Variants in PCDH15 observed in about 807,000 individuals in gnomAD.
PCDH15 encodes protocadherin-15.
PCDH15 carries 129 observed loss-of-function variants against 178.5 expected under a neutral mutation model. That is an observed-to-expected ratio of 0.72 (90% CI 0.63 to 0.84). PCDH15 has a LOEUF of 0.84. Ranked by LOEUF, PCDH15 falls within the 40% of genes least tolerant of loss-of-function variation. PCDH15 has a pLI of 0.00. For missense variants in PCDH15, 2,230 were observed against 2,099.9 expected, an observed-to-expected ratio of 1.06 and a Z score of -1.21; for synonymous variants, 800 against 732.0, an observed-to-expected ratio of 1.09 and a Z score of -1.50.
chr10:54,989,941 G>A (rs866045489), intron 2 of PCDH15, among the ~76,000 whole-genome samples: 96 of 152,124 alleles, frequency 6.3e-4, no homozygotes, highest in African/African-American at 2.3e-3. Context: ...TGGAGGATAA[G>A]TCTCACAGGA....
At chr10:54,470,691 A>T (rs1452346910) in intron 3 of PCDH15, among the ~76,000 whole-genome samples, 1 of 151,944 alleles carries the variant, frequency 6.6e-6, no homozygotes, top group Non-Finnish European at 1.5e-5. Flanking sequence ...GCATTTGCTT[A>T]CTCTTTCTCC....
At chr10:55,448,366 C>A (rs1024794412) in intron 2 of PCDH15, among the ~76,000 whole-genome samples, 1 of 151,912 alleles carries the variant, frequency 6.6e-6, no homozygotes, top group Non-Finnish European at 1.5e-5. Context: ...TCAAGATTCA[C>A]CTATATTTTC....
rs114509749 is a variant in PCDH15, at chr10:54,707,269, T to G, written c.-28-42979A>C. On this transcript the variant is annotated intron_variant, in intron 1 of 37. Coordinates refer to ENST00000644397, the MANE Select transcript of PCDH15 (RefSeq NM_001384140.1). ...GTTGCAAACTCCAGGGACAGTAAAGTTTCTTAGGAAAAATGAGTAGTACAT... is the reference window on the plus strand; with the variant it reads ...GTTGCAAACTCCAGGGACAGTAAAGGTTCTTAGGAAAAATGAGTAGTACAT... 8.7e-3 allele frequency among the ~76,000 whole-genome samples: 1,325 copies of G among 152,226 alleles called. 14 individuals carry two copies. The highest frequency in any genetic ancestry group is 0.03 in the African/African-American group (1,229 of 41,542).
chr10:54,856,375 G>A (rs555008583), intron 3 of PCDH15, among the ~76,000 whole-genome samples: 20 of 152,128 alleles, frequency 1.3e-4, no homozygotes, highest in African/African-American at 4.8e-4. Flanking sequence ...AGCAGTACTG[G>A]ACAGCCATCT....
intron 3 of PCDH15, among the ~76,000 whole-genome samples, chr10:54,837,119 GA>G (rs1322594482): frequency 2.6e-5 from 4 of 151,920 alleles, no homozygotes; most frequent in Admixed American, 6.6e-5. Context: ...TATTATTCAG[GA>G]AAAAACTAAA....
At chr10:54,284,127 G>A (rs1371917163) in intron 8 of PCDH15, among the ~76,000 whole-genome samples, 10 of 152,076 alleles carry the variant, frequency 6.6e-5, no homozygotes, top group Non-Finnish European at 1.3e-4. Flanking sequence ...GAGCCATGGT[G>A]CCCGGCCTAA....
At chr10:54,143,729 T>A (rs2043619019) in intron 14 of PCDH15, among the ~76,000 whole-genome samples, 1 of 152,206 alleles carries the variant, frequency 6.6e-6, no homozygotes, top group African/African-American at 2.4e-5. Context: ...CTTATAAGCT[T>A]TAAGTTATGC....
At chr10:54,936,142 A>G (rs1043218215) in intron 2 of PCDH15, among the ~76,000 whole-genome samples, 16 of 152,042 alleles carry the variant, frequency 1.1e-4, no homozygotes, top group African/African-American at 3.6e-4. Flanking sequence ...CTCATATAAC[A>G]TGGGGTCTTT....
intron 21 of PCDH15, among the ~76,000 whole-genome samples, chr10:53,972,969 C>A (rs12255027): frequency 6.6e-6 from 1 of 152,104 alleles, no homozygotes. Context: ...ATAAATCATG[C>A]TGCTATAAAG....
At chr10:55,212,249 T>C (rs144079822) in intron 1 of PCDH15, among the ~76,000 whole-genome samples, 2,068 of 152,210 alleles carry the variant, frequency 0.014, 29 homozygotes, top group South Asian at 0.036. Context: ...CCTATGCAAA[T>C]GACACACCTA....
In PCDH15 at chr10:54,955,665, T is replaced by TA. The variant is rs1169715350; in HGVS notation, c.-79-58166dup. Among the ~76,000 whole-genome samples, 14 of 151,472 alleles carry TA rather than the reference T, an allele frequency of 9.2e-5. No homozygotes were observed. In the South Asian group the frequency reaches 2.3e-3, roughly 25 times the overall value. ...TTTATGTAGTATGTAATTTTTTCAG[T>TA]AAATAATCAAAAATATAATTTCATA... On this transcript the variant is annotated intron_variant, in intron 2 of 5. Coordinates refer to the PCDH15 transcript ENST00000458638.
intron 2 of PCDH15, among the ~76,000 whole-genome samples, chr10:55,515,124 G>A (rs1005145374): frequency 1.3e-5 from 2 of 151,616 alleles, no homozygotes. Context: ...GAGTAGCTGG[G>A]ATTACAGAAG....
intron 2 of PCDH15, among the ~76,000 whole-genome samples, chr10:55,344,375 C>A (rs538331979): frequency 2.6e-5 from 4 of 152,002 alleles, no homozygotes; most frequent in South Asian, 2.1e-4. Context: ...GAATAAAATT[C>A]ATGGGGTTCA....
chr10:54,986,569 A>G (rs1839370331), intron 2 of PCDH15, among the ~76,000 whole-genome samples: 1 of 152,210 alleles, frequency 6.6e-6, no homozygotes, highest in Admixed American at 6.5e-5. Flanking sequence ...ATATTAATAG[A>G]TAATGAATCA....
chr10:55,425,358 C>A (rs1197612031), intron 2 of PCDH15, among the ~76,000 whole-genome samples: 1 of 151,774 alleles, frequency 6.6e-6, no homozygotes, highest in Admixed American at 6.6e-5. Context: ...CAAAGAACTA[C>A]AATAGCTCAA....
At chr10:54,291,245 G>T (rs570095617) in intron 8 of PCDH15, among the ~76,000 whole-genome samples, 11 of 152,222 alleles carry the variant, frequency 7.2e-5, no homozygotes, top group Admixed American at 6.5e-4. Context: ...CAAAATGAAA[G>T]CAGAAATAAA....
intron 9 of PCDH15, among the ~76,000 whole-genome samples, chr10:54,219,592 C>CAAAAAA (rs763785938): frequency 9.9e-4 from 32 of 32,332 alleles, no homozygotes; most frequent in East Asian, 2.1e-3. Flanking sequence ...GACTCCATCT[C>CAAAAAA]AAAAAAAAAA....
At chr10:55,249,464 T>C (rs185160535) in intron 1 of PCDH15, among the ~76,000 whole-genome samples, 3 of 152,126 alleles carry the variant, frequency 2.0e-5, no homozygotes, top group Admixed American at 6.6e-5. Context: ...ACAATACAAA[T>C]TGGGAGAAGA....
At chr10:54,540,945 A>G (rs61853603) in intron 2 of PCDH15, among the ~76,000 whole-genome samples, 13,461 of 152,256 alleles carry the variant, frequency 0.088, 650 homozygotes, top group Non-Finnish European at 0.11. Context: ...AAAGCTTTCA[A>G]TAAAATCCAA....
Sources: allele counts gnomAD v4.1 joint callset (sites outside exome capture counted in the v4.1 genomes callset), GRCh38; gene constraint gnomAD v4.1.1; transcripts MANE v1.5; gene names NCBI Gene and HGNC (gene_info 2026-07-23, HGNC 2026-07-21).